Variants in SGCZ observed in about 807,000 individuals in gnomAD.
The protein encoded by SGCZ is sarcoglycan zeta, also known as zeta-sarcoglycan.
In SGCZ, 40 loss-of-function variants were observed where a neutral mutation model predicts 41.3. The observed-to-expected ratio is 0.97, with a 90% CI of 0.75 to 1.26. The LOEUF (loss-of-function observed/expected upper bound fraction) is 1.26. Ranked by LOEUF, SGCZ falls within the 50% of genes most tolerant of loss-of-function variation. The pLI is 0.00. For synonymous variants in SGCZ, 206 were observed against 137.5 expected (o/e 1.50, Z -3.49); for missense variants, 552 against 369.8 (o/e 1.49, Z -4.04).
At chr8:15,159,090 G>C (rs909104320) in intron 1 of SGCZ, among the ~76,000 whole-genome samples, 2 of 152,182 alleles carry the variant, frequency 1.3e-5, no homozygotes, top group East Asian at 1.9e-4. Flanking sequence ...AGCCTTCTGA[G>C]AGGGGAGGGG....
chr8:14,099,489 G>A (rs1801944803), intron 7 of SGCZ, among the ~76,000 whole-genome samples: 2 of 152,154 alleles, frequency 1.3e-5, no homozygotes, highest in Non-Finnish European at 2.9e-5. Flanking sequence ...CACTTTGGGA[G>A]GCTGAGGCGG....
At chr8:14,415,403 G>C (rs1037501264) in intron 2 of SGCZ, among the ~76,000 whole-genome samples, 4 of 151,832 alleles carry the variant, frequency 2.6e-5, no homozygotes, top group African/African-American at 7.2e-5. Context: ...GAGCCAATGA[G>C]TTAATGCTCC....
chr8:14,316,854 C>CAT lies in SGCZ; in HGVS notation c.336+7248_336+7249insAT, dbSNP rs1491271939. On this transcript the variant is annotated intron_variant, in intron 3 of 7. Transcript: ENST00000382080. The stretch of plus-strand genomic sequence containing the variant: ...ACACACACACACACACACACACACA[C>CAT]GCCCTGCACTTCCAACATGAAATCT... Among the ~76,000 whole-genome samples, 506 of 150,032 alleles carry CAT rather than the reference C, an allele frequency of 3.4e-3. 2 individuals are homozygous for CAT. Among genetic ancestry groups the CAT allele is most frequent in the African/African-American group, 5.3e-3 (216 of 40,732 alleles).
intron 1 of SGCZ, among the ~76,000 whole-genome samples, chr8:14,720,893 C>G (rs1809863018): frequency 6.9e-6 from 1 of 144,910 alleles, no homozygotes; most frequent in African/African-American, 2.6e-5. Flanking sequence ...GGTTTTTTCC[C>G]CAATACTTCA....
rs900670794 is a variant in SGCZ at position 14,694,149 on chromosome 8, A to G, written c.40-139223T>C. On this transcript the variant is annotated intron_variant, in intron 1 of 7. Transcript: ENST00000382080. ...GTATGAAAAACAGAGGGTAAATATA[A>G]CCCTTAGCACACAATAAGCACTCTC... Among the ~76,000 whole-genome samples, 4 of 152,026 alleles carry G rather than the reference A, an allele frequency of 2.6e-5. No individual in the cohort carries two copies. In the South Asian group the frequency reaches 8.3e-4, roughly 32 times the overall value.
intron 2 of SGCZ, among the ~76,000 whole-genome samples, chr8:14,367,416 T>C (rs1360640302): frequency 6.6e-6 from 1 of 152,116 alleles, no homozygotes; most frequent in Non-Finnish European, 1.5e-5. Flanking sequence ...TTCCACATTT[T>C]GAGCTCTCTC....
intron 5 of SGCZ, among the ~76,000 whole-genome samples, chr8:14,141,673 C>T (rs1468281630): frequency 6.6e-6 from 1 of 152,172 alleles, no homozygotes. Flanking sequence ...ACAACAGATG[C>T]TGGAGAGGAT....
chr8:14,288,633 C>G (rs923071034), intron 3 of SGCZ, among the ~76,000 whole-genome samples: 1 of 152,104 alleles, frequency 6.6e-6, no homozygotes, highest in African/African-American at 2.4e-5. Context: ...CCTTTCATAG[C>G]TTAATAATAC....
intron 1 of SGCZ, among the ~76,000 whole-genome samples, chr8:14,955,092 T>C (rs1280833324): frequency 6.6e-6 from 1 of 152,174 alleles, no homozygotes; most frequent in East Asian, 1.9e-4. Flanking sequence ...TTCTCCTTTT[T>C]TCTTCAATAG....
chr8:14,216,729 A>G (rs1483670720), intron 4 of SGCZ, among the ~76,000 whole-genome samples: 2 of 137,882 alleles, frequency 1.5e-5, no homozygotes, highest in Non-Finnish European at 3.4e-5. Flanking sequence ...AAATAGAAGA[A>G]ATCTTAAAAA....
chr8:14,452,060 CA>C (rs1279515303), intron 2 of SGCZ, among the ~76,000 whole-genome samples: 1 of 152,076 alleles, frequency 6.6e-6, no homozygotes, highest in Non-Finnish European at 1.5e-5. Context: ...TCACATTTGC[CA>C]AAACTTGGAA....
intron 1 of SGCZ, among the ~76,000 whole-genome samples, chr8:14,584,957 G>C (rs1296677622): frequency 2.6e-5 from 4 of 152,038 alleles, no homozygotes; most frequent in African/African-American, 9.7e-5. Context: ...AACTAGTTTT[G>C]CATAAATCTT....
At chr8:15,032,819 C>A (rs536753799) in intron 1 of SGCZ, among the ~76,000 whole-genome samples, 153 of 152,208 alleles carry the variant, frequency 1.0e-3, no homozygotes, top group African/African-American at 3.5e-3. Context: ...CTAGCACCCA[C>A]AAACTCAACT....
At chr8:14,115,980 G>C (rs973080585) in intron 5 of SGCZ, among the ~76,000 whole-genome samples, 1 of 151,974 alleles carries the variant, frequency 6.6e-6, no homozygotes, top group Non-Finnish European at 1.5e-5. Flanking sequence ...ATTACCAAAT[G>C]GAATGCACAG....
chr8:14,326,111 C>CAAAAAAAAAAAAAAAAAAAAAA lies in SGCZ; in HGVS notation c.235-1908_235-1907insTTTTTTTTTTTTTTTTTTTTTT, dbSNP rs56152915. ...TGGGCGAAAGAGTGAGACTCCGTCT[C>CAAAAAAAAAAAAAAAAAAAAAA]AAAAAAAAAAAAAAAAAAAGATGAG... On this transcript the variant is annotated intron_variant, in intron 2 of 7. Transcript: ENST00000382080. 9.0e-4 allele frequency among the ~76,000 whole-genome samples: 34 copies of CAAAAAAAAAAAAAAAAAAAAAA among 37,906 alleles called. 12 individuals are homozygous for CAAAAAAAAAAAAAAAAAAAAAA. Among genetic ancestry groups the CAAAAAAAAAAAAAAAAAAAAAA allele is most frequent in the African/African-American group, 1.8e-3 (18 of 9,754 alleles). The allele number at this position is 37,906 out of a possible 152,430, so 24.9% of individuals were successfully genotyped here. A position where few individuals can be genotyped will look rare whatever the true frequency, so the allele number is the denominator to read the frequency against.
intron 1 of SGCZ, among the ~76,000 whole-genome samples, chr8:14,886,009 A>G (rs1460322956): frequency 8.4e-6 from 1 of 119,382 alleles, no homozygotes; most frequent in Non-Finnish European, 1.8e-5. Context: ...ATATATATAT[A>G]TATATATATA....
chr8:14,288,087 G>T (rs1320924824), intron 3 of SGCZ, among the ~76,000 whole-genome samples: 1 of 152,036 alleles, frequency 6.6e-6, no homozygotes, highest in African/African-American at 2.4e-5. Context: ...TGTAGCTGTT[G>T]ACTTTTGACC....
At chr8:14,230,601 G>A (rs1417193883) in intron 4 of SGCZ, among the ~76,000 whole-genome samples, 2 of 151,958 alleles carry the variant, frequency 1.3e-5, no homozygotes, top group East Asian at 3.9e-4. Context: ...AAGATATCAT[G>A]ATTTCCACAT....
intron 1 of SGCZ, among the ~76,000 whole-genome samples, chr8:14,854,021 T>TTTTATATATA (rs1394714691): frequency 9.3e-6 from 1 of 107,672 alleles, no homozygotes; most frequent in African/African-American, 3.1e-5. Flanking sequence ...TGTGATTATA[T>TTTTATATATA]TATATATATA....
Sources: gnomAD v4.1 joint callset for allele counts (sites outside exome capture counted in the v4.1 genomes callset) on GRCh38, gnomAD v4.1.1 for gene constraint, MANE v1.5 for transcripts, NCBI Gene and HGNC (gene_info 2026-07-23, HGNC 2026-07-21) for gene names.